BBS4: variants seen among roughly 807,000 people sequenced by gnomAD.
BBS4 encodes the protein Bardet-Biedl syndrome 4, also known as BBSome complex member BBS4.
In BBS4, 58 loss-of-function variants were observed where a neutral mutation model predicts 71.4. That is an observed-to-expected ratio of 0.81 (90% CI 0.66 to 1.01). The LOEUF is 1.01. BBS4 is among the 50% of genes least tolerant of loss of function. BBS4 has a pLI of 0.00. For missense variants in BBS4, 660 were observed against 607.9 expected (o/e 1.09, Z -0.90); for synonymous variants, 228 against 216.8 (o/e 1.05, Z -0.46).
At chr15:72,734,867 G>A (rs2065889896) in intron 12 of BBS4, among the ~76,000 whole-genome samples, 1 of 152,098 alleles carries the variant, frequency 6.6e-6, no homozygotes, top group African/African-American at 2.4e-5. Context: ...TAAATGGAAA[G>A]CCTAAAACTA....
At chr15:72,687,123 A>ATTTTTTTTTTTTTTTTTTTTTTT (rs1491389178) in intron 1 of BBS4, among the ~76,000 whole-genome samples, 2 of 11,978 alleles carry the variant, frequency 1.7e-4, no homozygotes, top group African/African-American at 3.1e-4. Context: ...GAAGACAGAA[A>ATTTTTTTTTTTTTTTTTTTTTTT]CTTTTTTTTT....
Position 72,695,166 on chromosome 15 carries a change from T to C in BBS4, c.25-11T>C, listed in dbSNP as rs780823570. On this transcript the variant is annotated splice_polypyrimidine_tract_variant and intron_variant, in intron 1 of 15. Coordinates refer to ENST00000268057, the MANE Select transcript of BBS4 (RefSeq NM_033028.5). ...GTGGTGCTTCAATATAGACTACTTA[T>C]TTCATTTCAGAGAACTCAATTTCCT... is the stretch of plus-strand genomic sequence containing the variant. 2 of 1,598,308 alleles carry C rather than the reference T, an allele frequency of 1.3e-6. No individual in the cohort carries two copies. The highest frequency in any genetic ancestry group is 1.7e-4 in the Middle Eastern group (1 of 5,768).
chr15:72,731,494 C>A (rs1272758476), intron 11 of BBS4, 37 bp downstream of exon 11: 2 of 1,614,160 alleles, frequency 1.2e-6, no homozygotes, highest in East Asian at 4.5e-5. Context: ...TGTATTTCTA[C>A]ATGTGGTTAT....
intron 6 of BBS4, 126 bp from the exon 7 acceptor site, chr15:72,722,668 C>A (rs2065598599): frequency 2.5e-6 from 2 of 785,024 alleles, no homozygotes; most frequent in Non-Finnish European, 4.4e-6. Context: ...AAAAAGCTGA[C>A]TGTAATGCAT....
chr15:72,729,302 G>A (rs1469764744), intron 9 of BBS4, among the ~76,000 whole-genome samples: 2 of 145,480 alleles, frequency 1.4e-5, no homozygotes, highest in Non-Finnish European at 1.5e-5. Context: ...CTAGGCTAGA[G>A]TGCAATGGCG....
chr15:72,737,528 C>G lies in BBS4; in HGVS notation c.1501C>G (p.Pro501Ala). The G allele has an allele frequency of 6.2e-7, 1 of 1,613,142 alleles. No homozygotes were observed. The highest frequency in any genetic ancestry group is 8.5e-7 in the Non-Finnish European group (1 of 1,179,652). ...FTKPPSLPLE[P>A]EPAVESSPTE... Reference sequence around the variant, plus strand: ...AAAGCCCCCATCTCTTCCTCTGGAGCCAGAGCCTGCGGTGGAATCAAGTCC... The same window carrying G: ...AAAGCCCCCATCTCTTCCTCTGGAGGCAGAGCCTGCGGTGGAATCAAGTCC... Residue 501 changes from proline (P) to alanine (A), a missense_variant, in exon 16 of 16, where the codon CCA becomes GCA. Transcript: ENST00000268057.
chr15:72,723,081 TCTC>T (rs1201523354), intron 7 of BBS4, among the ~76,000 whole-genome samples: 1 of 152,166 alleles, frequency 6.6e-6, no homozygotes. Flanking sequence ...TGGCAGTTTT[TCTC>T]CTTTCTTCTT....
At chr15:72,701,743 A>G (rs921831690) in intron 2 of BBS4, among the ~76,000 whole-genome samples, 4 of 152,194 alleles carry the variant, frequency 2.6e-5, no homozygotes, top group Non-Finnish European at 5.9e-5. Context: ...TATTTTTAAG[A>G]AAACCAACTA....
chr15:72,689,335 A>G (rs2064939182), intron 1 of BBS4, among the ~76,000 whole-genome samples: 1 of 152,234 alleles, frequency 6.6e-6, no homozygotes, highest in Non-Finnish European at 1.5e-5. Flanking sequence ...GGACGCAGAA[A>G]TTCTAGTATG....
chr15:72,731,266 G>T, intron 10 of BBS4, 39 bp from the exon 11 acceptor site: 2 of 1,613,248 alleles, frequency 1.2e-6, no homozygotes, highest in Non-Finnish European at 1.7e-6. Context: ...ACAGCCTTTT[G>T]GGAATGACTG....
chr15:72,736,030 C>A lies in BBS4; in HGVS notation c.1248+64C>A, dbSNP rs1486049026. ...TCTCAGGAGACTTTTAAAAATCAAG[C>A]CCAGATCATCCAAATCCAAGGTATT... On this transcript the variant is annotated intron_variant, in intron 14 of 15. Transcript: ENST00000268057. 3.8e-6 allele frequency: 6 copies of A among 1,582,830 alleles called. No individual in the cohort carries two copies. In the East Asian group the frequency reaches 1.1e-4, roughly 30 times the overall value.
intron 2 of BBS4, among the ~76,000 whole-genome samples, chr15:72,704,826 G>T (rs562290066): frequency 6.6e-6 from 1 of 151,976 alleles, no homozygotes; most frequent in African/African-American, 2.4e-5. Context: ...ATTGCGGTGA[G>T]CTAAGATCGC....
chr15:72,729,486 G>A, intron 9 of BBS4, 130 bp from the exon 10 acceptor site: 2 of 801,474 alleles, frequency 2.5e-6, no homozygotes, highest in African/African-American at 3.4e-5. Context: ...CTGACCTCAG[G>A]TGATCCACCC....
chr15:72,689,397 G>A (rs1478378664), intron 1 of BBS4, among the ~76,000 whole-genome samples: 1 of 152,166 alleles, frequency 6.6e-6, no homozygotes, highest in Non-Finnish European at 1.5e-5. Flanking sequence ...GAAAACTGAG[G>A]ACTAATATTT....
In BBS4 at chr15:72,737,728, C is replaced by A; in HGVS notation, c.*141C>A. The A allele has an allele frequency of 1.4e-6, 1 of 733,896 alleles. No individual in the cohort carries two copies. The highest frequency in any genetic ancestry group is 2.4e-6 in the Non-Finnish European group (1 of 424,502). The allele number at this position is 733,896 out of a possible 1,614,324, so 45.5% of individuals were successfully genotyped here. On this transcript the variant is annotated 3_prime_UTR_variant, in exon 16 of 16. Transcript: ENST00000268057. The stretch of plus-strand genomic sequence containing the variant: ...TTATTACGAGGAGCCAGCAGTTGAG[C>A]CTAAGGTCCTTCTACCTACCTGGTA...
At chr15:72,708,455 G>A (rs189890083) in intron 2 of BBS4, among the ~76,000 whole-genome samples, 4 of 152,072 alleles carry the variant, frequency 2.6e-5, no homozygotes, top group African/African-American at 9.7e-5. Flanking sequence ...TGTTATCTTC[G>A]TAAGCTGAGG....
At chr15:72,715,184 AC>A (rs2065445687) in intron 4 of BBS4, 106 bp from the exon 5 acceptor site, 1 of 768,802 alleles carries the variant, frequency 1.3e-6, no homozygotes, top group Non-Finnish European at 2.3e-6. Context: ...CAAAGGATTT[AC>A]TTGATGTGGT....
chr15:72,709,842 C>T lies in BBS4; in HGVS notation c.156+63C>T. On this transcript the variant is annotated intron_variant, in intron 3 of 15. Transcript: ENST00000268057. ...ATGTTGGGTAGGCAACTAACAGTGC[C>T]TGCTAAACAGAGTGTGGCAGTTTAT... is the stretch of plus-strand genomic sequence containing the variant. 2.2e-6 allele frequency: 3 copies of T among 1,354,110 alleles called. No homozygotes were observed. In the South Asian group the frequency reaches 3.5e-5, roughly 16 times the overall value. The allele number at this position is 1,354,110 out of a possible 1,614,324, so 83.9% of individuals were successfully genotyped here.
intron 13 of BBS4, chr15:72,735,543 T>C: frequency 1.8e-6 from 1 of 543,666 alleles, no homozygotes; most frequent in East Asian, 3.3e-5. Context: ...CGCTGGCATC[T>C]TCTAGACAGC....
Sources: gnomAD v4.1 joint callset for allele counts (sites outside exome capture counted in the v4.1 genomes callset) on GRCh38, gnomAD v4.1.1 for gene constraint, MANE v1.5 for transcripts, NCBI Gene and HGNC (gene_info 2026-07-23, HGNC 2026-07-21) for gene names.